GULP1: variants seen among roughly 807,000 people sequenced by gnomAD.
GULP1 encodes GULP PTB domain containing engulfment adaptor 1, also known as PTB domain-containing engulfment adapter protein 1.
Under a neutral mutation model 40.9 loss-of-function variants are expected in GULP1, and 19 were observed. That is an observed-to-expected ratio of 0.46 (90% CI 0.32 to 0.68). GULP1 has a LOEUF of 0.68. GULP1 is among the 30% of genes least tolerant of loss of function. The pLI is 0.03. For synonymous variants in GULP1, 119 were observed against 117.6 expected (o/e 1.01, Z -0.08); for missense variants, 312 against 362.2 (o/e 0.86, Z 1.12).
At chr2:188,304,073 G>C (rs2036620134) in intron 1 of GULP1, among the ~76,000 whole-genome samples, 1 of 152,122 alleles carries the variant, frequency 6.6e-6, no homozygotes. Flanking sequence ...ATGCTGCTTG[G>C]TATGGAAATT....
chr2:188,529,228 T>C (rs1271226875), intron 6 of GULP1, 33 bp downstream of exon 6: 4 of 969,454 alleles, frequency 4.1e-6, no homozygotes, highest in Non-Finnish European at 6.4e-6. Flanking sequence ...AGAGGCAATC[T>C]TTAATTAATT....
chr2:188,448,315 A>G (rs2058563330), intron 2 of GULP1, among the ~76,000 whole-genome samples: 1 of 152,144 alleles, frequency 6.6e-6, no homozygotes, highest in African/African-American at 2.4e-5. Flanking sequence ...TTTTTTTGCT[A>G]TTCCAACTTT....
chr2:188,408,426 G>A (rs920746163), intron 2 of GULP1, among the ~76,000 whole-genome samples: 6 of 151,990 alleles, frequency 3.9e-5, no homozygotes, highest in South Asian at 2.1e-4. Context: ...GAAAAATAAG[G>A]TCATTATATA....
At chr2:188,499,327 A>G (rs985156055) in intron 4 of GULP1, among the ~76,000 whole-genome samples, 3 of 151,112 alleles carry the variant, frequency 2.0e-5, no homozygotes, top group African/African-American at 7.3e-5. Flanking sequence ...ATACTAAGCA[A>G]ATTCCTTTCA....
intron 2 of GULP1, among the ~76,000 whole-genome samples, chr2:188,410,246 T>C (rs2152707357): frequency 6.6e-6 from 1 of 152,170 alleles, no homozygotes; most frequent in South Asian, 2.1e-4. Flanking sequence ...ACTATAAAAC[T>C]ACTAGAAGAA....
At chr2:188,371,015 G>A (rs899431141) in intron 1 of GULP1, among the ~76,000 whole-genome samples, 3 of 151,968 alleles carry the variant, frequency 2.0e-5, no homozygotes, top group African/African-American at 7.3e-5. Context: ...TATTTCCCAG[G>A]CACAAAGAAA....
rs564334146 is a variant in GULP1, at chr2:188,511,349, G to A, written c.91-11407G>A. 3.3e-5 allele frequency among the ~76,000 whole-genome samples: 5 copies of A among 152,308 alleles called. No homozygotes were observed. In the South Asian group the frequency reaches 1.0e-3, roughly 32 times the overall value. ...ATGAGAATATTTCCACAGCCCATGT[G>A]TTTTATAATCATGTGATTCTCTAGT... is the stretch of plus-strand genomic sequence containing the variant. On this transcript the variant is annotated intron_variant, in intron 4 of 11. Coordinates refer to ENST00000409830, the MANE Select transcript of GULP1 (RefSeq NM_016315.4).
chr2:188,538,681 G>A (rs1689585831), intron 6 of GULP1, among the ~76,000 whole-genome samples: 1 of 149,204 alleles, frequency 6.7e-6, no homozygotes, highest in South Asian at 2.1e-4. Flanking sequence ...ATGTGTGTGT[G>A]AGTGTGTGTG....
intron 1 of GULP1, among the ~76,000 whole-genome samples, chr2:188,379,654 C>T (rs1290379818): frequency 6.6e-6 from 1 of 152,174 alleles, no homozygotes; most frequent in Admixed American, 6.5e-5. Context: ...TTTAATCATA[C>T]TTCCATCACC....
intron 2 of GULP1, among the ~76,000 whole-genome samples, chr2:188,407,191 T>G (rs1295006049): frequency 6.6e-6 from 1 of 152,126 alleles, no homozygotes; most frequent in Non-Finnish European, 1.5e-5. Context: ...ATAAATACTT[T>G]TCAGGACAAA....
chr2:188,538,510 C>T (rs1481982548), intron 6 of GULP1, among the ~76,000 whole-genome samples: 2 of 151,948 alleles, frequency 1.3e-5, no homozygotes, highest in Non-Finnish European at 2.9e-5. Context: ...CAACTATTTA[C>T]CCTATGTTAC....
chr2:188,405,854 G>T (rs10931358), intron 2 of GULP1, among the ~76,000 whole-genome samples: 26,621 of 152,128 alleles, frequency 0.17, 2,407 homozygotes, highest in East Asian at 0.24. Flanking sequence ...GAAAAGTCCT[G>T]GTTTCTTCAA....
chr2:188,388,680 T>A (rs1254943972), intron 2 of GULP1, among the ~76,000 whole-genome samples: 1 of 152,190 alleles, frequency 6.6e-6, no homozygotes, highest in Non-Finnish European at 1.5e-5. Context: ...CACTATTTGC[T>A]GAACCCTTGC....
chr2:188,363,697 G>A (rs2046379269), intron 1 of GULP1, among the ~76,000 whole-genome samples: 1 of 152,074 alleles, frequency 6.6e-6, no homozygotes, highest in South Asian at 2.1e-4. Context: ...AATAGTAATT[G>A]TGGTTTTTGC....
chr2:188,422,553 A>T (rs2055593876), intron 2 of GULP1, among the ~76,000 whole-genome samples: 1 of 151,952 alleles, frequency 6.6e-6, no homozygotes, highest in South Asian at 2.1e-4. Flanking sequence ...TGAAAACTTA[A>T]GATTTGCTTT....
chr2:188,396,124 C>G (rs2051220012), intron 2 of GULP1, among the ~76,000 whole-genome samples: 1 of 152,212 alleles, frequency 6.6e-6, no homozygotes, highest in South Asian at 2.1e-4. Flanking sequence ...GTGGCGCTTG[C>G]AGAAGAGTGC....
At chr2:188,580,205 A>G (rs1700971739) in intron 9 of GULP1, among the ~76,000 whole-genome samples, 1 of 152,226 alleles carries the variant, frequency 6.6e-6, no homozygotes, top group African/African-American at 2.4e-5. Context: ...ACAAAAACAG[A>G]TTTTAAAAAT....
At chr2:188,327,672 A>C (rs1344014337) in intron 1 of GULP1, among the ~76,000 whole-genome samples, 1 of 152,118 alleles carries the variant, frequency 6.6e-6, no homozygotes, top group Non-Finnish European at 1.5e-5. Flanking sequence ...CCTATTTGTC[A>C]TATTTCTTTT....
chr2:188,575,777 T>C (rs1464102664), intron 9 of GULP1, among the ~76,000 whole-genome samples: 1 of 152,056 alleles, frequency 6.6e-6, no homozygotes, highest in African/African-American at 2.4e-5. Context: ...TGCAATGATA[T>C]GTCACTTGAA....
Sources: gnomAD v4.1 joint callset for allele counts (sites outside exome capture counted in the v4.1 genomes callset) on GRCh38, gnomAD v4.1.1 for gene constraint, MANE v1.5 for transcripts, NCBI Gene and HGNC (gene_info 2026-07-23, HGNC 2026-07-21) for gene names.